Variants in CDH18 observed in about 807,000 individuals in gnomAD.
CDH18 encodes the protein cadherin-18.
Under a neutral mutation model 67.9 loss-of-function variants are expected in CDH18, and 31 were observed. The ratio of observed to expected loss-of-function variants is 0.46; its 90% CI spans 0.34 to 0.62. The LOEUF is 0.62. Among genes scored for constraint, CDH18 ranks in the 20% least tolerant of loss-of-function variants. The pLI, the probability that CDH18 is intolerant of heterozygous loss-of-function variation, is 0.01. For missense variants in CDH18, 890 were observed against 975.5 expected (o/e 0.91, Z 1.17); for synonymous variants, 362 against 347.2 (o/e 1.04, Z -0.48).
intron 1 of CDH18, among the ~76,000 whole-genome samples, chr5:20,489,278 CT>C (rs1345546055): frequency 6.6e-6 from 1 of 152,008 alleles, no homozygotes; most frequent in Non-Finnish European, 1.5e-5. Flanking sequence ...CATATCCACT[CT>C]GGATGGCAAA....
intron 1 of CDH18, among the ~76,000 whole-genome samples, chr5:20,516,468 A>G (rs182324660): frequency 6.6e-6 from 1 of 152,134 alleles, no homozygotes; most frequent in East Asian, 1.9e-4. Flanking sequence ...TAATTTTAAT[A>G]CAGGTGACTT....
chr5:19,505,908 T>C (rs1430357456), intron 10 of CDH18, among the ~76,000 whole-genome samples: 1 of 152,166 alleles, frequency 6.6e-6, no homozygotes, highest in African/African-American at 2.4e-5. Flanking sequence ...AGCTCCTCTT[T>C]GTACCTCTGG....
intron 1 of CDH18, among the ~76,000 whole-genome samples, chr5:20,285,354 A>G (rs989153769): frequency 2.7e-5 from 4 of 148,934 alleles, no homozygotes; most frequent in African/African-American, 9.8e-5. Context: ...AGATAGGGCC[A>G]TATAATCTGA....
intron 2 of CDH18, among the ~76,000 whole-genome samples, chr5:20,059,809 G>C (rs568362244): frequency 6.6e-6 from 1 of 152,158 alleles, no homozygotes; most frequent in Non-Finnish European, 1.5e-5. Context: ...AAAAGAATGA[G>C]TTTATGTCCT....
intron 1 of CDH18, among the ~76,000 whole-genome samples, chr5:20,466,655 A>C (rs1421811014): frequency 2.0e-5 from 3 of 152,060 alleles, no homozygotes; most frequent in Non-Finnish European, 4.4e-5. Flanking sequence ...TCTGATTATC[A>C]CAAGTTTTAT....
intron 4 of CDH18, among the ~76,000 whole-genome samples, chr5:19,734,106 A>C (rs1767977521): frequency 6.6e-6 from 1 of 152,174 alleles, no homozygotes; most frequent in South Asian, 2.1e-4. Flanking sequence ...CTCTGCAGTT[A>C]ATCATTATTC....
At chr5:19,926,667 T>C (rs931436254) in intron 2 of CDH18, among the ~76,000 whole-genome samples, 10 of 152,126 alleles carry the variant, frequency 6.6e-5, no homozygotes, top group Non-Finnish European at 4.4e-5. Context: ...TATGATTTCA[T>C]TGTTTTGATT....
chr5:20,084,255 C>T (rs1414638230), intron 2 of CDH18, among the ~76,000 whole-genome samples: 1 of 152,196 alleles, frequency 6.6e-6, no homozygotes, highest in Non-Finnish European at 1.5e-5. Context: ...AGTCTGAAAT[C>T]CAGCAGGGCT....
chr5:19,732,988 C>T (rs1767820506), intron 4 of CDH18, among the ~76,000 whole-genome samples: 2 of 152,190 alleles, frequency 1.3e-5, no homozygotes. Context: ...ATCTGAGTTC[C>T]GTTTTCCCAA....
chr5:19,835,249 T>C (rs1176855819), intron 3 of CDH18, among the ~76,000 whole-genome samples: 2 of 152,062 alleles, frequency 1.3e-5, no homozygotes, highest in Non-Finnish European at 2.9e-5. Context: ...AAAGCCATCA[T>C]CCTCAGCAAA....
intron 1 of CDH18, among the ~76,000 whole-genome samples, chr5:20,436,440 T>C (rs1410603780): frequency 6.6e-6 from 1 of 151,934 alleles, no homozygotes; most frequent in African/African-American, 2.4e-5. Context: ...TTATGTAACT[T>C]ACTTTCACTG....
At position 19,475,645 on chromosome 5, in the gene CDH18, A is replaced by G. The variant is rs143807250; in HGVS notation, c.1883-1929T>C. 3.6e-3 allele frequency among the ~76,000 whole-genome samples: 541 copies of G among 152,184 alleles called. 1 individual carries two copies. The highest frequency in any genetic ancestry group is 6.1e-3 in the Non-Finnish European group (412 of 67,968). On this transcript the variant is annotated intron_variant, in intron 12 of 12. Coordinates refer to ENST00000382275, the MANE Select transcript of CDH18 (RefSeq NM_004934.5). The stretch of plus-strand genomic sequence containing the variant: ...AATATTGTGCTAAGCATACATGCAT[A>G]TGTTCCAAATATTATTATATTATTC...
intron 2 of CDH18, among the ~76,000 whole-genome samples, chr5:19,902,115 T>C (rs1006937626): frequency 3.3e-5 from 5 of 152,150 alleles, no homozygotes; most frequent in African/African-American, 1.2e-4. Context: ...ATATTCGTAA[T>C]ACTCAATGAA....
At chr5:19,670,951 A>G (rs1758663500) in intron 5 of CDH18, among the ~76,000 whole-genome samples, 1 of 152,128 alleles carries the variant, frequency 6.6e-6, no homozygotes, top group Non-Finnish European at 1.5e-5. Flanking sequence ...TGTATAAGTG[A>G]TGAAAAAGAA....
intron 2 of CDH18, among the ~76,000 whole-genome samples, chr5:19,902,220 T>C (rs1208013580): frequency 6.6e-6 from 1 of 152,172 alleles, no homozygotes; most frequent in Non-Finnish European, 1.5e-5. Context: ...ATTTTTAACC[T>C]AGCCTCACTG....
chr5:19,770,078 G>A (rs1196633352), intron 3 of CDH18, among the ~76,000 whole-genome samples: 5 of 151,970 alleles, frequency 3.3e-5, no homozygotes. Context: ...ATAAGTAGTG[G>A]CAAGGGTAAG....
rs187406686 is a variant in CDH18 at position 20,333,731 on chromosome 5, T to C, written c.-579-78226A>G. Among the ~76,000 whole-genome samples, 326 of 152,226 alleles carry C rather than the reference T, an allele frequency of 2.1e-3. 1 individual carries two copies. Among genetic ancestry groups the C allele is most frequent in the African/African-American group, 7.3e-3 (305 of 41,534 alleles). On this transcript the variant is annotated intron_variant, in intron 1 of 14. Transcript: ENST00000507958. ...GATTGTGCTATTTGCTACAGTGTTA[T>C]GCAGCAATTTGTACACCTTGACTCC...
intron 2 of CDH18, among the ~76,000 whole-genome samples, chr5:19,960,669 GTATA>G (rs540723097): frequency 3.2e-5 from 4 of 126,940 alleles, no homozygotes; most frequent in Non-Finnish European, 4.7e-5. Context: ...ATATACACAT[GTATA>G]TATATGTATA....
intron 1 of CDH18, among the ~76,000 whole-genome samples, chr5:20,526,677 A>C (rs1035131061): frequency 6.6e-6 from 1 of 152,106 alleles, no homozygotes; most frequent in Non-Finnish European, 1.5e-5. Context: ...TGACTGTTAG[A>C]AGAAAAACAA....
Sources: gnomAD v4.1 joint callset for allele counts (sites outside exome capture counted in the v4.1 genomes callset) on GRCh38, gnomAD v4.1.1 for gene constraint, MANE v1.5 for transcripts, NCBI Gene and HGNC (gene_info 2026-07-23, HGNC 2026-07-21) for gene names.